Variants in SOX5 observed in about 807,000 individuals in gnomAD.
The protein encoded by SOX5 is transcription factor SOX-5.
SOX5 carries 9 observed loss-of-function variants against 92.0 expected under a neutral mutation model. That is an observed-to-expected ratio of 0.10 (90% confidence interval 0.06 to 0.17). The LOEUF (loss-of-function observed/expected upper bound fraction) is 0.17, where lower values mean the gene tolerates loss of function less well. Ranked by LOEUF, SOX5 falls within the 10% of genes least tolerant of loss-of-function variation. The pLI is 1.00. For missense variants in SOX5, 642 were observed against 944.5 expected, an observed-to-expected ratio of 0.68 and a Z score of 4.20; for synonymous variants, 344 against 336.3, an observed-to-expected ratio of 1.02 and a Z score of -0.25.
intron 2 of SOX5, among the ~76,000 whole-genome samples, chr12:24,367,275 T>C (rs1036864126): frequency 1.3e-5 from 2 of 152,184 alleles, no homozygotes; most frequent in African/African-American, 4.8e-5. Context: ...GGAATATCCA[T>C]CATTAAGGCT....
intron 1 of SOX5, among the ~76,000 whole-genome samples, chr12:24,404,578 T>C (rs1256791872): frequency 6.6e-6 from 1 of 152,170 alleles, no homozygotes; most frequent in African/African-American, 2.4e-5. Flanking sequence ...CTAGCCTGGT[T>C]TGATTGTTTA....
chr12:23,596,418 A>C (rs1182319477), intron 9 of SOX5, among the ~76,000 whole-genome samples: 4 of 152,180 alleles, frequency 2.6e-5, no homozygotes, highest in Admixed American at 2.0e-4. Flanking sequence ...CATCTCTGTA[A>C]GAGAGACCGC....
At chr12:24,561,236 T>A (rs114810813) in intron 1 of SOX5, among the ~76,000 whole-genome samples, 1 of 152,170 alleles carries the variant, frequency 6.6e-6, no homozygotes, top group East Asian at 1.9e-4. Context: ...CTCTGCATAT[T>A]CACAGGATTC....
intron 1 of SOX5, among the ~76,000 whole-genome samples, chr12:24,524,677 T>G (rs564717691): frequency 6.6e-6 from 1 of 152,006 alleles, no homozygotes; most frequent in Non-Finnish European, 1.5e-5. Context: ...CAAGTATTGG[T>G]GAGAATATTG....
At chr12:23,608,593 T>C (rs2075566695) in intron 8 of SOX5, among the ~76,000 whole-genome samples, 1 of 152,186 alleles carries the variant, frequency 6.6e-6, no homozygotes, top group Non-Finnish European at 1.5e-5. Context: ...AGTGGAAAAC[T>C]TAAAAAGCAA....
intron 2 of SOX5, among the ~76,000 whole-genome samples, chr12:24,313,283 T>C (rs1949372362): frequency 6.6e-6 from 1 of 152,154 alleles, no homozygotes; most frequent in Non-Finnish European, 1.5e-5. Context: ...ACCCCAGCAC[T>C]TTGGGAGGCC....
In SOX5 at chr12:23,846,648, TATC is replaced by T. The variant is rs79178083; in HGVS notation, c.271-458_271-456del. Among the ~76,000 whole-genome samples, 4,960 of 152,288 alleles carry T rather than the reference TATC, an allele frequency of 0.033. 630 individuals carry two copies. The East Asian group carries it at 0.42, about 13-fold the overall frequency. Reference sequence around the variant, plus strand: ...CCTGACTTTGTAATATTTAAACAAATATCATTACACACAATTTATGTTCATTTT... The same window carrying T: ...CCTGACTTTGTAATATTTAAACAAATATTACACACAATTTATGTTCATTTT... On this transcript the variant is annotated intron_variant, in intron 2 of 14. Coordinates refer to ENST00000451604, the MANE Select transcript of SOX5 (RefSeq NM_006940.6).
chr12:23,576,188 G>GA (rs1949074877), intron 9 of SOX5, among the ~76,000 whole-genome samples: 1 of 131,842 alleles, frequency 7.6e-6, no homozygotes, highest in Non-Finnish European at 1.7e-5. Flanking sequence ...GATGTAGGTA[G>GA]GTTTTTTTTT....
intron 1 of SOX5, among the ~76,000 whole-genome samples, chr12:24,495,223 T>C (rs187990100): frequency 6.6e-6 from 1 of 152,280 alleles, no homozygotes; most frequent in East Asian, 1.9e-4. Context: ...AACTATCTAT[T>C]GAGTATCTGT....
At chr12:23,844,382 TAAAAAATTAGCAGAATATATGAA>T (rs1472885882) in intron 3 of SOX5, among the ~76,000 whole-genome samples, 2 of 151,394 alleles carry the variant, frequency 1.3e-5, no homozygotes, top group African/African-American at 2.4e-5. Flanking sequence ...AAGCTAATCA[TAAAAAATTAGCAGAATATATGAA>T]AATAAACACT....
intron 1 of SOX5, among the ~76,000 whole-genome samples, chr12:23,901,512 C>T (rs555319802): frequency 7.5e-4 from 114 of 152,294 alleles, no homozygotes; most frequent in African/African-American, 2.6e-3. Flanking sequence ...CTAGACATAA[C>T]GCTTGCCTTC....
intron 13 of SOX5, among the ~76,000 whole-genome samples, chr12:23,537,953 T>C (rs1940969434): frequency 6.6e-6 from 1 of 152,112 alleles, no homozygotes. Flanking sequence ...CGTTTTTTTT[T>C]TTTTAATAGT....
chr12:24,264,463 C>T (rs1055929245), intron 3 of SOX5, among the ~76,000 whole-genome samples: 1 of 152,140 alleles, frequency 6.6e-6, no homozygotes, highest in Non-Finnish European at 1.5e-5. Context: ...CTTATTTAAA[C>T]CTCACCGTCT....
At chr12:23,841,386 G>T (rs1714450527) in intron 3 of SOX5, among the ~76,000 whole-genome samples, 1 of 152,086 alleles carries the variant, frequency 6.6e-6, no homozygotes, top group Non-Finnish European at 1.5e-5. Flanking sequence ...CACTTTGGAA[G>T]ATAGTCTGGC....
chr12:24,233,246 C>A (rs1446783838), intron 3 of SOX5, among the ~76,000 whole-genome samples: 5 of 151,924 alleles, frequency 3.3e-5, no homozygotes, highest in Admixed American at 2.0e-4. Context: ...GGGTTAAAAA[C>A]TTTAGAGAAC....
intron 2 of SOX5, among the ~76,000 whole-genome samples, chr12:23,886,411 C>A (rs527252440): frequency 6.6e-6 from 1 of 152,028 alleles, no homozygotes; most frequent in Non-Finnish European, 1.5e-5. Context: ...ACTGATGTGG[C>A]CAAGAAGAAA....
At chr12:23,654,391 T>A (rs1267361463) in intron 7 of SOX5, among the ~76,000 whole-genome samples, 2 of 152,110 alleles carry the variant, frequency 1.3e-5, no homozygotes, top group Non-Finnish European at 1.5e-5. Context: ...TTTCTGTTCA[T>A]CAACAAGAAT....
chr12:24,327,768 G>T (rs1186758270), intron 2 of SOX5, among the ~76,000 whole-genome samples: 3 of 151,630 alleles, frequency 2.0e-5, no homozygotes, highest in Non-Finnish European at 4.4e-5. Flanking sequence ...ATGTGTGTGT[G>T]TTTTTAGTAG....
intron 6 of SOX5, among the ~76,000 whole-genome samples, chr12:23,679,512 T>G (rs540249943): frequency 6.6e-6 from 1 of 152,298 alleles, no homozygotes; most frequent in South Asian, 2.1e-4. Flanking sequence ...CTTGATTTCA[T>G]GAAGGCTACC....
Sources: gnomAD v4.1 joint callset for allele counts (sites outside exome capture counted in the v4.1 genomes callset) on GRCh38, gnomAD v4.1.1 for gene constraint, MANE v1.5 for transcripts, NCBI Gene and HGNC (gene_info 2026-07-23, HGNC 2026-07-21) for gene names.